Variants in SLC26A4 observed in about 807,000 individuals in gnomAD.
The protein encoded by SLC26A4 is solute carrier family 26 member 4, also known as pendrin.
SLC26A4 carries 93 observed loss-of-function variants against 90.4 expected under a neutral mutation model. The ratio of observed to expected loss-of-function variants is 1.03; its 90% CI spans 0.87 to 1.22. The LOEUF is 1.22. Among genes scored for constraint, SLC26A4 ranks in the 50% most tolerant of loss-of-function variants. The pLI is 0.00. For missense variants in SLC26A4, 1,127 were observed against 946.2 expected (o/e 1.19, Z -2.51); for synonymous variants, 393 against 354.6 (o/e 1.11, Z -1.22).
chr7:107,686,637 A>G (rs982824472), intron 8 of SLC26A4, among the ~76,000 whole-genome samples: 1 of 151,754 alleles, frequency 6.6e-6, no homozygotes, highest in Non-Finnish European at 1.5e-5. Flanking sequence ...ACAGGCACAC[A>G]CTGCCATGCC....
chr7:107,716,074 T>C lies in SLC26A4; in HGVS notation c.*628T>C, dbSNP rs1007362452. ...CCTAAAAGCTACAGAACCAGGCCAA[T>C]ATATTTTGAAATATTGATGCAGACA... On this transcript the variant is annotated 3_prime_UTR_variant, in exon 21 of 21. Coordinates refer to ENST00000644269, the MANE Select transcript of SLC26A4 (RefSeq NM_000441.2). 1 of 152,198 alleles carries C rather than the reference T, an allele frequency of 6.6e-6. No homozygotes were observed. The highest frequency in any genetic ancestry group is 2.4e-5 in the African/African-American group (1 of 41,460). The allele number at this position is 152,198 out of a possible 1,614,324, so 9.4% of individuals were successfully genotyped here. A position where few individuals can be genotyped will look rare whatever the true frequency, so the allele number is the denominator to read the frequency against.
At chr7:107,706,083 A>C (rs541260098) in intron 18 of SLC26A4, among the ~76,000 whole-genome samples, 3 of 152,374 alleles carry the variant, frequency 2.0e-5, no homozygotes, top group East Asian at 3.9e-4. Context: ...AAACTCATAA[A>C]TATTGAACAG....
intron 15 of SLC26A4, 75 bp downstream of exon 15, chr7:107,700,250 G>T (rs1039337704): frequency 3.7e-5 from 29 of 775,746 alleles, no homozygotes; most frequent in Non-Finnish European, 6.0e-5. Context: ...TATTTACTGG[G>T]GTCCAATCAG....
chr7:107,691,514 T>TATACACACAC (rs1417607238), intron 10 of SLC26A4, among the ~76,000 whole-genome samples: 102 of 131,042 alleles, frequency 7.8e-4, no homozygotes, highest in South Asian at 2.4e-3. Context: ...AATATATATA[T>TATACACACAC]ACACACACAC....
chr7:107,713,575 G>A (rs1015418556), intron 20 of SLC26A4, among the ~76,000 whole-genome samples: 2 of 152,298 alleles, frequency 1.3e-5, no homozygotes, highest in Middle Eastern at 3.4e-3. Flanking sequence ...AGCAGTCAGT[G>A]CTTCTCTGGT....
chr7:107,677,203 C>T (rs1791047010), intron 6 of SLC26A4, among the ~76,000 whole-genome samples: 2 of 151,964 alleles, frequency 1.3e-5, no homozygotes, highest in South Asian at 2.1e-4. Flanking sequence ...CAACAACAAA[C>T]AAAAAACCAA....
rs935649444 is a variant in SLC26A4 at position 107,703,439 on chromosome 7, G to T, written c.2035-892G>T. Among the ~76,000 whole-genome samples, 3 of 152,222 alleles carry T rather than the reference G, an allele frequency of 2.0e-5. No individual in the cohort carries two copies. In the South Asian group the frequency reaches 6.2e-4, roughly 32 times the overall value. Reference sequence around the variant, plus strand: ...AGAGAAGTGATTGTGCTTGGCAAAAGAGTATGAGAATATGCTGACAGGTTC... The same window carrying T: ...AGAGAAGTGATTGTGCTTGGCAAAATAGTATGAGAATATGCTGACAGGTTC... On this transcript the variant is annotated intron_variant, in intron 17 of 20. Coordinates refer to ENST00000644269, the MANE Select transcript of SLC26A4 (RefSeq NM_000441.2).
intron 10 of SLC26A4, 66 bp from the exon 11 acceptor site, chr7:107,694,337 T>A: frequency 8.2e-7 from 1 of 1,214,814 alleles, no homozygotes; most frequent in Non-Finnish European, 1.2e-6. Context: ...CATACACACA[T>A]CCAGTGAGCT....
intron 12 of SLC26A4, 45 bp downstream of exon 12, chr7:107,694,761 C>A: frequency 7.7e-7 from 1 of 1,299,704 alleles, no homozygotes; most frequent in Non-Finnish European, 1.1e-6. Flanking sequence ...AGATTTGGTT[C>A]TTATATGCTT....
rs1790952410 is a variant in SLC26A4, at chr7:107,674,222, C to A, written c.474C>A (p.Asp158Glu). The A allele has an allele frequency of 2.5e-6, 4 of 1,613,908 alleles. No individual in the cohort carries two copies. Among genetic ancestry groups the A allele is most frequent in the East Asian group, 2.2e-5 (1 of 44,892 alleles). Residue 158 changes from aspartate to glutamate, a missense_variant, in exon 5 of 21, where the codon GAC (aspartate) becomes GAA (glutamate). Asp to Glu is a conservative substitution (Grantham distance 45). Coordinates refer to ENST00000644269, the MANE Select transcript of SLC26A4 (RefSeq NM_000441.2). ...VGSVVLSMAP[D>E]EHFLVSSSNG... ...CTGTTGTTCTGAGCATGGCCCCCGA[C>A]GAACACTTTCTCGTATCCAGCAGCA...
chr7:107,661,710 G>T lies in SLC26A4; in HGVS notation c.69G>T (p.Ser23=), dbSNP rs531634168. The stretch of plus-strand genomic sequence containing the variant: ...AGTACAGCTGCAGCTACATGGTGTC[G>T]CGGCCGGTCTACAGCGAGCTCGCTT... ...LPEYSCSYMV[S]RPVYSELAFQ... The change falls in exon 2 of 21, where the codon TCG becomes TCT. Residue 23 remains serine, a synonymous_variant. Transcript: ENST00000644269. The surrounding 1 kb of genome is among the most constrained non-coding windows in gnomAD (Gnocchi z 5.1). 13 of 1,568,008 alleles carry T rather than the reference G, an allele frequency of 8.3e-6. No individual in the cohort carries two copies. The African/African-American group carries it at 1.3e-4, about 16-fold the overall frequency.
rs1790545009 is a variant in SLC26A4, at chr7:107,661,400, G to A, written c.-3-239G>A. The A allele has an allele frequency of 1.7e-6, 1 of 591,898 alleles. No individual in the cohort carries two copies. Among genetic ancestry groups the A allele is most frequent in the Non-Finnish European group, 3.0e-6 (1 of 331,558 alleles). 36.7% of individuals were successfully genotyped at this position (591,898 alleles called of 1,614,324 possible). ...TCGCTTCAAGTTTGGGGAACCCCGG[G>A]CAGCGGGTGCAGGCCACGAGACCCG... On this transcript the variant is annotated intron_variant, in intron 1 of 20. Coordinates refer to ENST00000644269, the MANE Select transcript of SLC26A4 (RefSeq NM_000441.2). This position sits in a 1 kb window ranked among gnomAD's most constrained non-coding sequence, Gnocchi z 5.1.
intron 18 of SLC26A4, among the ~76,000 whole-genome samples, chr7:107,706,576 A>G (rs1421917018): frequency 1.9e-4 from 29 of 152,218 alleles, no homozygotes. Flanking sequence ...TGATGTATCT[A>G]ATATCTTGAA....
intron 10 of SLC26A4, chr7:107,691,902 A>G: frequency 1.1e-5 from 14 of 1,281,518 alleles, no homozygotes; most frequent in Non-Finnish European, 1.3e-5. Flanking sequence ...AGCTGTGCAC[A>G]TTTCAGGCTG....
At chr7:107,714,677 C>A (rs898024968) in intron 20 of SLC26A4, among the ~76,000 whole-genome samples, 5 of 152,044 alleles carry the variant, frequency 3.3e-5, no homozygotes, top group African/African-American at 9.7e-5. Flanking sequence ...CAATATAGCA[C>A]AATAGTTTCA....
intron 3 of SLC26A4, among the ~76,000 whole-genome samples, chr7:107,665,551 A>G (rs1790684390): frequency 6.6e-6 from 1 of 152,196 alleles, no homozygotes; most frequent in African/African-American, 2.4e-5. Flanking sequence ...GGCACATAAT[A>G]GATGGTATAT....
intron 8 of SLC26A4, among the ~76,000 whole-genome samples, chr7:107,686,267 TCCTTCCCTCCCTTCCCTCCCTTTCCTA>T (rs1490064531): frequency 1.4e-4 from 20 of 142,022 alleles, no homozygotes; most frequent in South Asian, 4.6e-4. Context: ...TTTCTTCCCT[TCCTTCCCTCCCTTCCCTCCCTTTCCTA>T]CCTTCCCTCC....
intron 17 of SLC26A4, among the ~76,000 whole-genome samples, chr7:107,702,325 G>A (rs1412461579): frequency 6.6e-6 from 1 of 152,176 alleles, no homozygotes; most frequent in African/African-American, 2.4e-5. Context: ...TAATATGGAG[G>A]TAATGATGGT....
chr7:107,670,731 A>G (rs1443443393), intron 3 of SLC26A4, among the ~76,000 whole-genome samples: 1 of 152,178 alleles, frequency 6.6e-6, no homozygotes, highest in Non-Finnish European at 1.5e-5. Flanking sequence ...GTAATTCCTT[A>G]TTAATGACTC....
Sources: gnomAD v4.1 joint callset for allele counts (sites outside exome capture counted in the v4.1 genomes callset) on GRCh38, gnomAD v4.1.1 for gene constraint, Gnocchi (gnomAD v3.1) non-coding constraint, MANE v1.5 for transcripts, NCBI Gene and HGNC (gene_info 2026-07-23, HGNC 2026-07-21) for gene names.